The following ADAMTSL1 variants were observed in gnomAD, a reference collection of about 807,000 sequenced individuals.
ADAMTSL1 encodes ADAMTS-like protein 1.
In ADAMTSL1, 126 loss-of-function variants were observed where a neutral mutation model predicts 201.8. The ratio of observed to expected loss-of-function variants is 0.62; its 90% CI spans 0.54 to 0.72. ADAMTSL1 has a LOEUF of 0.72. ADAMTSL1 is among the 30% of genes least tolerant of loss of function. ADAMTSL1 has a pLI of 0.00. For synonymous variants in ADAMTSL1, 1,121 were observed against 903.4 expected, an observed-to-expected ratio of 1.24 and a Z score of -4.32; for missense variants, 2,679 against 2,277.8, an observed-to-expected ratio of 1.18 and a Z score of -3.59.
intron 21 of ADAMTSL1, among the ~76,000 whole-genome samples, chr9:18,824,296 T>G (rs1376622204): frequency 6.6e-6 from 1 of 151,904 alleles, no homozygotes; most frequent in Non-Finnish European, 1.5e-5. Context: ...AAATCAGCTG[T>G]TCCACCCCTC....
intron 1 of ADAMTSL1, among the ~76,000 whole-genome samples, chr9:18,079,244 A>G (rs1170726241): frequency 6.6e-6 from 1 of 152,200 alleles, no homozygotes; most frequent in Admixed American, 6.5e-5. Flanking sequence ...GGGTTTTTAA[A>G]TCTCATAAAG....
intron 2 of ADAMTSL1, among the ~76,000 whole-genome samples, chr9:18,280,835 C>G (rs1162902575): frequency 3.3e-5 from 5 of 149,524 alleles, no homozygotes; most frequent in Admixed American, 6.7e-5. Flanking sequence ...ATTTAAGGCT[C>G]TAAATCTCCC....
chr9:18,886,287 G>A (rs909619398), intron 23 of ADAMTSL1, among the ~76,000 whole-genome samples: 76 of 149,498 alleles, frequency 5.1e-4, no homozygotes, highest in African/African-American at 1.6e-3. Flanking sequence ...ACATGGTGGT[G>A]CACACCTGTA....
chr9:18,640,277 G>C (rs756465698), intron 7 of ADAMTSL1, among the ~76,000 whole-genome samples: 1 of 152,156 alleles, frequency 6.6e-6, no homozygotes, highest in Non-Finnish European at 1.5e-5. Flanking sequence ...ACATGAACGT[G>C]AGCAAGAAGC....
chr9:18,495,571 A>G (rs1388563881), intron 1 of ADAMTSL1, among the ~76,000 whole-genome samples: 1 of 152,156 alleles, frequency 6.6e-6, no homozygotes, highest in East Asian at 1.9e-4. Context: ...AAAACTGCAA[A>G]ATTTGCCAGA....
chr9:18,403,841 T>A lies in ADAMTSL1; in HGVS notation c.208-100988T>A, dbSNP rs183173923. On this transcript the variant is annotated intron_variant, in intron 2 of 29. Coordinates refer to the ADAMTSL1 transcript ENST00000680146. Reference sequence around the variant, plus strand: ...ACATTTATTATGTTACCCAAAAATATTTTAAATCAATATTCTTATGGTCTT... The same window carrying A: ...ACATTTATTATGTTACCCAAAAATAATTTAAATCAATATTCTTATGGTCTT... 2.4e-3 allele frequency among the ~76,000 whole-genome samples: 373 copies of A among 152,302 alleles called. 3 individuals carry two copies. Among genetic ancestry groups the A allele is most frequent in the African/African-American group, 8.0e-3 (332 of 41,572 alleles).
intron 1 of ADAMTSL1, among the ~76,000 whole-genome samples, chr9:18,147,429 A>G (rs987477557): frequency 6.6e-6 from 1 of 152,128 alleles, no homozygotes; most frequent in African/African-American, 2.4e-5. Context: ...CTTAGCACCT[A>G]TTGGACACAG....
chr9:17,942,151 G>T (rs1431268690), intron 1 of ADAMTSL1, among the ~76,000 whole-genome samples: 1 of 152,106 alleles, frequency 6.6e-6, no homozygotes, highest in Non-Finnish European at 1.5e-5. Flanking sequence ...CCAGAGGCAG[G>T]GGGATAGAGA....
chr9:18,362,125 G>A (rs1451068207), intron 2 of ADAMTSL1: 1 of 152,186 alleles, frequency 6.6e-6, no homozygotes, highest in East Asian at 1.9e-4. Context: ...TCAAACAGAA[G>A]ATGACAGTTC....
chr9:18,871,779 G>A (rs988568500), intron 23 of ADAMTSL1, among the ~76,000 whole-genome samples: 1 of 152,046 alleles, frequency 6.6e-6, no homozygotes, highest in African/African-American at 2.4e-5. Context: ...AGCTGCTTTT[G>A]CAAATATGTC....
At chr9:18,191,931 G>A (rs975729475) in intron 2 of ADAMTSL1, among the ~76,000 whole-genome samples, 1 of 152,086 alleles carries the variant, frequency 6.6e-6, no homozygotes, top group African/African-American at 2.4e-5. Flanking sequence ...AAACCTTATT[G>A]TTACTTTAAT....
intron 2 of ADAMTSL1, among the ~76,000 whole-genome samples, chr9:18,207,603 T>C (rs1318478488): frequency 3.3e-5 from 5 of 152,220 alleles, no homozygotes; most frequent in African/African-American, 9.6e-5. Context: ...AGTTAAACTC[T>C]TTAATGCAGA....
intron 2 of ADAMTSL1, among the ~76,000 whole-genome samples, chr9:18,171,395 C>T (rs1339637292): frequency 6.6e-6 from 1 of 151,890 alleles, no homozygotes; most frequent in Admixed American, 6.6e-5. Context: ...AAAGCACAAC[C>T]TGTAAAAGAA....
At chr9:18,427,650 C>A (rs1015719217) in intron 2 of ADAMTSL1, among the ~76,000 whole-genome samples, 2 of 152,264 alleles carry the variant, frequency 1.3e-5, no homozygotes, top group Non-Finnish European at 2.9e-5. Context: ...CTCTCTTAAA[C>A]TCTCAGGAGA....
At chr9:17,955,376 T>A (rs1827890429) in intron 1 of ADAMTSL1, among the ~76,000 whole-genome samples, 1 of 152,156 alleles carries the variant, frequency 6.6e-6, no homozygotes, top group South Asian at 2.1e-4. Flanking sequence ...GGCATAAAAC[T>A]CATTCCAAAT....
intron 1 of ADAMTSL1, among the ~76,000 whole-genome samples, chr9:18,475,454 T>G (rs1321624712): frequency 6.6e-6 from 1 of 152,242 alleles, no homozygotes; most frequent in Non-Finnish European, 1.5e-5. Context: ...CAATATTTTA[T>G]ACATTCCCAC....
At chr9:18,324,492 CA>C (rs1461334903) in intron 2 of ADAMTSL1, among the ~76,000 whole-genome samples, 3 of 151,130 alleles carry the variant, frequency 2.0e-5, no homozygotes, top group African/African-American at 7.3e-5. Context: ...AGGCTAGGTG[CA>C]GTGGCTCATG....
chr9:18,039,185 GATT>G (rs1366503759), intron 1 of ADAMTSL1, among the ~76,000 whole-genome samples: 2 of 152,148 alleles, frequency 1.3e-5, no homozygotes, highest in Non-Finnish European at 2.9e-5. Flanking sequence ...GCAATAGAAT[GATT>G]ATCTTGTGCC....
chr9:18,163,661 G>A (rs1248741954), intron 1 of ADAMTSL1, among the ~76,000 whole-genome samples: 1 of 151,938 alleles, frequency 6.6e-6, no homozygotes, highest in African/African-American at 2.4e-5. Context: ...ATTTAGCAGG[G>A]GATGTTCCTG....
Sources: gnomAD v4.1 joint callset for allele counts (sites outside exome capture counted in the v4.1 genomes callset) on GRCh38, gnomAD v4.1.1 for gene constraint, MANE v1.5 for transcripts, NCBI Gene and HGNC (gene_info 2026-07-23, HGNC 2026-07-21) for gene names.